TENM3: variants seen among roughly 807,000 people sequenced by gnomAD.
The protein encoded by TENM3 is teneurin-3.
A neutral mutation model predicts 255.1 loss-of-function variants in TENM3; 63 were observed. The observed-to-expected ratio is 0.25, with a 90% CI of 0.20 to 0.30. The LOEUF is 0.30. Among genes scored for constraint, TENM3 ranks in the 10% least tolerant of loss-of-function variants. The pLI, the probability that TENM3 is intolerant of heterozygous loss-of-function variation, is 1.00. For synonymous variants in TENM3, 1,306 were observed against 1,322.3 expected (o/e 0.99, Z 0.27); for missense variants, 2,929 against 3,461.1 (o/e 0.85, Z 3.86).
chr4:182,460,401 G>A (rs1363792088), intron 3 of TENM3, among the ~76,000 whole-genome samples: 2 of 152,096 alleles, frequency 1.3e-5, no homozygotes, highest in South Asian at 2.1e-4. Flanking sequence ...ATATATGTCC[G>A]TCACAAAAAT....
the TENM3 span, chr4:181,874,412 T>C: frequency 1.3e-5 from 2 of 152,258 alleles, no homozygotes; most frequent in East Asian, 3.9e-4. Flanking sequence ...TGAATCTCTG[T>C]TATTAGGTGC....
At chr4:182,144,611 GCCCGCTC>G (rs1293355193), upstream of TENM3, 1 of 148,376 alleles carries the variant, frequency 6.7e-6, no homozygotes, top group Non-Finnish European at 1.5e-5. Context: ...CCCCGCCGGC[GCCCGCTC>G]CCCGCTCCCT....
chr4:182,164,360 A>G (rs1751566802), intron 1 of TENM3, among the ~76,000 whole-genome samples: 1 of 151,976 alleles, frequency 6.6e-6, no homozygotes, highest in Non-Finnish European at 1.5e-5. Context: ...CCTCAATCCC[A>G]CTCATCACAT....
chr4:182,105,878 C>T, the TENM3 span, among the ~76,000 whole-genome samples: 2 of 152,230 alleles, frequency 1.3e-5, no homozygotes, highest in Non-Finnish European at 2.9e-5. Context: ...TTAATAGGTA[C>T]AGTGTATGTC....
the TENM3 span, among the ~76,000 whole-genome samples, chr4:182,056,504 C>A: frequency 2.0e-5 from 3 of 152,108 alleles, no homozygotes; most frequent in Non-Finnish European, 4.4e-5. Context: ...TCTCATCTAC[C>A]CACCTCTGAG....
the TENM3 span, among the ~76,000 whole-genome samples, chr4:181,748,360 T>A: frequency 6.6e-6 from 1 of 152,094 alleles, no homozygotes; most frequent in South Asian, 2.1e-4. Context: ...ATTTTATTTA[T>A]TTACATTTAT....
intron 1 of TENM3, among the ~76,000 whole-genome samples, chr4:182,146,511 T>G (rs1435268319): frequency 6.6e-6 from 1 of 152,206 alleles, no homozygotes; most frequent in Non-Finnish European, 1.5e-5. Flanking sequence ...TCCTGTTGCA[T>G]TTCCCTTAAC....
At chr4:182,566,113 G>T (rs1370651033) in intron 3 of TENM3, among the ~76,000 whole-genome samples, 4 of 152,164 alleles carry the variant, frequency 2.6e-5, no homozygotes, top group Non-Finnish European at 2.9e-5. Context: ...CCAATTATGT[G>T]CTACTTGGAC....
chr4:182,101,427 C>G, the TENM3 span, among the ~76,000 whole-genome samples: 1 of 152,110 alleles, frequency 6.6e-6, no homozygotes, highest in Non-Finnish European at 1.5e-5. Context: ...AACTCAAACT[C>G]CAAGCCCTTT....
At chr4:182,505,402 A>AT (rs962042076) in intron 3 of TENM3, among the ~76,000 whole-genome samples, 2 of 152,128 alleles carry the variant, frequency 1.3e-5, no homozygotes, top group African/African-American at 4.8e-5. Context: ...ATTATTATAC[A>AT]TTTTTTTAAA....
chr4:182,246,341 A>G (rs943449445), intron 1 of TENM3, among the ~76,000 whole-genome samples: 3 of 149,196 alleles, frequency 2.0e-5, no homozygotes, highest in Admixed American at 2.0e-4. Context: ...GAGATTCGCT[A>G]TGAGCCCCCA....
chr4:181,815,178 A>G, the TENM3 span, among the ~76,000 whole-genome samples: 2 of 152,138 alleles, frequency 1.3e-5, no homozygotes, highest in East Asian at 3.9e-4. Flanking sequence ...GAAGCCAGGC[A>G]TGGTGGCTCA....
intron 3 of TENM3, among the ~76,000 whole-genome samples, chr4:182,446,335 A>C (rs2151286411): frequency 6.6e-6 from 1 of 152,334 alleles, no homozygotes; most frequent in East Asian, 1.9e-4. Context: ...CCTGTATGTA[A>C]TACTTATATC....
At chr4:181,777,779 A>G in the TENM3 span, among the ~76,000 whole-genome samples, 17 of 152,138 alleles carry the variant, frequency 1.1e-4, no homozygotes, top group Admixed American at 1.1e-3. Context: ...TAATATGTGA[A>G]ACCCTCCTTC....
the TENM3 span, among the ~76,000 whole-genome samples, chr4:182,055,901 T>C: frequency 1.3e-5 from 2 of 152,076 alleles, no homozygotes; most frequent in African/African-American, 2.4e-5. Flanking sequence ...AATAATTATA[T>C]ACAAAAACTC....
At chr4:182,347,102 A>G (rs1764877536) in intron 3 of TENM3, among the ~76,000 whole-genome samples, 173 bp downstream of exon 3, 1 of 151,798 alleles carries the variant, frequency 6.6e-6, no homozygotes, top group Non-Finnish European at 1.5e-5. Flanking sequence ...ATGTCCTTGA[A>G]TAATGCATTT....
At chr4:181,522,026 G>A in the TENM3 span, among the ~76,000 whole-genome samples, 3 of 149,848 alleles carry the variant, frequency 2.0e-5, no homozygotes, top group African/African-American at 4.9e-5. Context: ...GCGTGAACGC[G>A]GGAGGCAGAG....
intron 12 of TENM3, among the ~76,000 whole-genome samples, chr4:182,695,403 C>T (rs1041151133): frequency 2.0e-5 from 3 of 152,220 alleles, no homozygotes; most frequent in African/African-American, 7.2e-5. Flanking sequence ...ACCCTTCACA[C>T]TCCAACATCC....
the TENM3 span, among the ~76,000 whole-genome samples, chr4:182,014,606 C>CTAA: frequency 6.6e-6 from 1 of 151,904 alleles, no homozygotes; most frequent in Non-Finnish European, 1.5e-5. Flanking sequence ...CTCAGCGGCA[C>CTAA]ATTAGATTTA....
Sources: gnomAD v4.1 joint callset for allele counts (sites outside exome capture counted in the v4.1 genomes callset) on GRCh38, gnomAD v4.1.1 for gene constraint, MANE v1.5 for transcripts, NCBI Gene and HGNC (gene_info 2026-07-23, HGNC 2026-07-21) for gene names.